Variants in RAD54B observed in about 807,000 individuals in gnomAD.
RAD54B encodes the protein RAD54 homolog B.
RAD54B carries 78 observed loss-of-function variants against 95.8 expected under a neutral mutation model. That is an observed-to-expected ratio of 0.81 (90% CI 0.68 to 0.98). The LOEUF (loss-of-function observed/expected upper bound fraction) is 0.98, where lower values mean the gene tolerates loss of function less well. Among genes scored for constraint, RAD54B ranks in the 50% least tolerant of loss-of-function variants. The probability of loss-of-function intolerance (pLI) is 0.00; values close to 1 mark genes in which losing one functional copy is unlikely to be tolerated. For synonymous variants in RAD54B, 328 were observed against 354.9 expected, an observed-to-expected ratio of 0.92 and a Z score of 0.85; for missense variants, 957 against 1,056.6, an observed-to-expected ratio of 0.91 and a Z score of 1.31.
chr8:94,445,065 A>G (rs1812488408), intron 3 of RAD54B, among the ~76,000 whole-genome samples: 1 of 152,172 alleles, frequency 6.6e-6, no homozygotes, highest in African/African-American at 2.4e-5. Flanking sequence ...CTTATAAACA[A>G]CACAGGTTTA....
intron 3 of RAD54B, among the ~76,000 whole-genome samples, chr8:94,437,160 C>G (rs1479021058): frequency 2.6e-5 from 4 of 152,166 alleles, no homozygotes; most frequent in Non-Finnish European, 5.9e-5. Flanking sequence ...ATTTAATACA[C>G]AAAGGTCTAG....
intron 2 of RAD54B, 50 bp downstream of exon 2, chr8:94,467,355 C>T (rs957299412): frequency 1.1e-5 from 16 of 1,438,400 alleles, no homozygotes; most frequent in South Asian, 4.6e-5. Flanking sequence ...TTTTCTTAAA[C>T]ATACATGCTT....
Position 94,404,258 on chromosome 8 carries a change from T to G in RAD54B, c.782-19A>C, listed in dbSNP as rs369267773. 2.0e-4 allele frequency: 318 copies of G among 1,562,254 alleles called. No individual in the cohort carries two copies. The highest frequency in any genetic ancestry group is 1.0e-3 in the Middle Eastern group (6 of 5,860). ...AGGGAATCTTAAAAAATGATAAAAG[T>G]ACAAGTATTGTAATTTCACTTTTTC... On this transcript the variant is annotated intron_variant, in intron 5 of 14. Coordinates refer to ENST00000336148, the MANE Select transcript of RAD54B (RefSeq NM_012415.3).
At chr8:94,404,506 A>G (rs1811338407) in intron 5 of RAD54B, among the ~76,000 whole-genome samples, 1 of 152,174 alleles carries the variant, frequency 6.6e-6, no homozygotes, top group Admixed American at 6.5e-5. Flanking sequence ...GAAATTCACT[A>G]TTGTCTAGTA....
intron 2 of RAD54B, among the ~76,000 whole-genome samples, chr8:94,460,349 T>C (rs775355737): frequency 6.6e-5 from 10 of 152,024 alleles, no homozygotes; most frequent in Non-Finnish European, 4.4e-5. Flanking sequence ...TGTGTTCCAA[T>C]AGTCCCAGAT....
rs1181421042 is a variant in RAD54B at position 94,399,506 on chromosome 8, A to G, written c.1286T>C (p.Ile429Thr). 6.2e-7 allele frequency: 1 copy of G among 1,613,640 alleles called. No homozygotes were observed. Among genetic ancestry groups the G allele is most frequent in the South Asian group, 1.1e-5 (1 of 91,058 alleles). Residue 429 changes from isoleucine (I) to threonine (T), a missense_variant, in exon 8 of 15, where the codon ATC becomes ACC. By Grantham distance (89) the Ile-to-Thr change is moderately conservative. Coordinates refer to ENST00000336148, the MANE Select transcript of RAD54B (RefSeq NM_012415.3). Reference protein sequence around the residue: ...QIKNIKFDLLICDEGHRLKNS... With the variant: ...QIKNIKFDLLTCDEGHRLKNS... Reference sequence around the variant, plus strand: ...CTTCAAACGATGCCCCTCGTCACAGATTAGAAGATCAAATTTTATATTCTT... The same window carrying G: ...CTTCAAACGATGCCCCTCGTCACAGGTTAGAAGATCAAATTTTATATTCTT...
At chr8:94,401,993 C>A (rs1276588161) in intron 6 of RAD54B, among the ~76,000 whole-genome samples, 5 of 152,158 alleles carry the variant, frequency 3.3e-5, no homozygotes, top group African/African-American at 1.2e-4. Flanking sequence ...GGAGCTTGAA[C>A]TGAAAAATAT....
chr8:94,429,147 A>C (rs1413260295), intron 3 of RAD54B: 1 of 974,020 alleles, frequency 1.0e-6, no homozygotes, highest in East Asian at 1.1e-4. Context: ...GTGTTTAAAA[A>C]TATGTAAAAA....
chr8:94,376,083 T>C (rs1389794662), intron 14 of RAD54B, among the ~76,000 whole-genome samples: 1 of 152,150 alleles, frequency 6.6e-6, no homozygotes, highest in Non-Finnish European at 1.5e-5. Context: ...ATCTGGCTAA[T>C]ATGACAGAAT....
At chr8:94,375,218 T>A (rs549123590) in intron 14 of RAD54B, among the ~76,000 whole-genome samples, 1 of 152,310 alleles carries the variant, frequency 6.6e-6, no homozygotes, top group African/African-American at 2.4e-5. Flanking sequence ...GATACATGAA[T>A]AAAATACACA....
rs1199707549 is a variant in RAD54B at position 94,458,341 on chromosome 8, A to C, written c.231T>G (p.Asn77Lys). The change falls in exon 3 of 15, where the codon AAT (asparagine) becomes AAG (lysine). Residue 77 changes from asparagine to lysine, a missense_variant. Coordinates refer to ENST00000336148, the MANE Select transcript of RAD54B (RefSeq NM_012415.3). ...LPSEESTREI[N>K]NRDNCSGKYC... ...ATTTTCCACTGCAATTATCTCTGTT[A>C]TTGATTTCTCTAGTACTTTCTTCAC... The C allele has an allele frequency of 6.2e-7, 1 of 1,610,328 alleles. No homozygotes were observed. The highest frequency in any genetic ancestry group is 1.7e-5 in the Admixed American group (1 of 59,396).
At position 94,474,988 on chromosome 8, in the gene RAD54B, C is replaced by G. The variant is rs74659423; in HGVS notation, c.-17+13G>C. On this transcript the variant is annotated intron_variant, in intron 1 of 14. Coordinates refer to ENST00000336148, the MANE Select transcript of RAD54B (RefSeq NM_012415.3). ...CTGTCGCAGCCTCCCGAGCTTCCCC[C>G]TGCAGGACGCACCGGCGAAAATCTG... 6.6e-6 allele frequency: 1 copy of G among 152,504 alleles called. No homozygotes were observed. The highest frequency in any genetic ancestry group is 1.5e-5 in the Non-Finnish European group (1 of 68,248). 9.4% of individuals were successfully genotyped at this position (152,504 alleles called of 1,614,324 possible). A position where few individuals can be genotyped will look rare whatever the true frequency, so the allele number is the denominator to read the frequency against.
chr8:94,379,323 C>G (rs553109165), intron 12 of RAD54B, among the ~76,000 whole-genome samples: 2 of 152,288 alleles, frequency 1.3e-5, no homozygotes, highest in East Asian at 3.9e-4. Flanking sequence ...TCCATGACTA[C>G]AGAACTGACC....
At chr8:94,456,769 T>C (rs893302677) in intron 3 of RAD54B, among the ~76,000 whole-genome samples, 1 of 152,166 alleles carries the variant, frequency 6.6e-6, no homozygotes, top group Non-Finnish European at 1.5e-5. Context: ...AGGTCTCTCA[T>C]CTCTATGCTT....
intron 3 of RAD54B, among the ~76,000 whole-genome samples, chr8:94,445,838 C>A (rs1021256499): frequency 1.3e-5 from 2 of 151,958 alleles, no homozygotes; most frequent in African/African-American, 2.4e-5. Flanking sequence ...GGCTTAAGTA[C>A]ATTAATCTTA....
intron 3 of RAD54B, among the ~76,000 whole-genome samples, chr8:94,451,553 C>A (rs1307542895): frequency 6.6e-6 from 1 of 152,000 alleles, no homozygotes; most frequent in Non-Finnish European, 1.5e-5. Flanking sequence ...GTGAAGAAAC[C>A]CTGCTGACAC....
Position 94,391,740 on chromosome 8 carries a change from G to T in RAD54B, c.1678C>A (p.Arg560=). The T allele has an allele frequency of 6.2e-7, 1 of 1,613,946 alleles. No individual in the cohort carries two copies. The highest frequency in any genetic ancestry group is 8.5e-7 in the Non-Finnish European group (1 of 1,179,992). The part of the protein sequence containing the change: ...RPGALQIELY[R]KLLNSQVVRF... The stretch of plus-strand genomic sequence containing the variant: ...ACAACCTGAGAATTTAACAGCTTTC[G>T]ATAAAGCTCAATCTGTAGTGCTCCT... Residue 560 remains arginine (R), a synonymous_variant, in exon 10 of 15, where the codon CGA becomes AGA. Coordinates refer to ENST00000336148, the MANE Select transcript of RAD54B (RefSeq NM_012415.3).
chr8:94,469,954 A>G (rs1177709287), intron 1 of RAD54B, among the ~76,000 whole-genome samples: 1 of 152,226 alleles, frequency 6.6e-6, no homozygotes, highest in African/African-American at 2.4e-5. Flanking sequence ...GAACAGATGG[A>G]AAACAAGGAC....
intron 3 of RAD54B, among the ~76,000 whole-genome samples, chr8:94,427,263 A>G (rs1811965770): frequency 6.6e-6 from 1 of 151,978 alleles, no homozygotes; most frequent in African/African-American, 2.4e-5. Context: ...TTACTCATTT[A>G]TTTTGCTTTC....
Sources: allele counts gnomAD v4.1 joint callset (sites outside exome capture counted in the v4.1 genomes callset), GRCh38; gene constraint gnomAD v4.1.1; transcripts MANE v1.5; gene names NCBI Gene and HGNC (gene_info 2026-07-23, HGNC 2026-07-21).